GPC6: variants seen among roughly 807,000 people sequenced by gnomAD.
The protein encoded by GPC6 is glypican-6.
A neutral mutation model predicts 55.2 loss-of-function variants in GPC6; 14 were observed. That is an observed-to-expected ratio of 0.25 (90% CI 0.17 to 0.40). The LOEUF is 0.40. GPC6 is among the 10% of genes least tolerant of loss of function. The pLI is 1.00. For synonymous variants in GPC6, 278 were observed against 259.6 expected, an observed-to-expected ratio of 1.07 and a Z score of -0.68; for missense variants, 641 against 708.5, an observed-to-expected ratio of 0.90 and a Z score of 1.08.
At chr13:94,043,154 A>G (rs1420693741) in intron 4 of GPC6, among the ~76,000 whole-genome samples, 1 of 151,684 alleles carries the variant, frequency 6.6e-6, no homozygotes, top group Non-Finnish European at 1.5e-5. Flanking sequence ...TTTTTCCTGC[A>G]TCAGTCCTAA....
At chr13:93,371,708 T>C (rs1433879080) in intron 1 of GPC6, among the ~76,000 whole-genome samples, 1 of 151,962 alleles carries the variant, frequency 6.6e-6, no homozygotes, top group African/African-American at 2.4e-5. Context: ...GTAAGGCTAT[T>C]AGGGAAACTA....
chr13:94,377,607 A>G (rs1226798371), intron 6 of GPC6, among the ~76,000 whole-genome samples: 6 of 150,832 alleles, frequency 4.0e-5, no homozygotes, highest in Admixed American at 4.0e-4. Flanking sequence ...GGGACTGTAA[A>G]CTAGTTCAAC....
intron 1 of GPC6, among the ~76,000 whole-genome samples, chr13:93,358,041 A>G (rs144465843): frequency 1.3e-5 from 2 of 151,774 alleles, no homozygotes; most frequent in African/African-American, 4.8e-5. Context: ...CCATGCTTGC[A>G]ATTTTTGTGA....
chr13:93,568,302 C>T (rs972934029), intron 2 of GPC6, among the ~76,000 whole-genome samples: 4 of 152,124 alleles, frequency 2.6e-5, no homozygotes, highest in South Asian at 4.1e-4. Context: ...GGAAAGATAA[C>T]GAGTATATCT....
chr13:94,120,371 G>C (rs1296655260), intron 4 of GPC6, among the ~76,000 whole-genome samples: 1 of 152,068 alleles, frequency 6.6e-6, no homozygotes, highest in East Asian at 1.9e-4. Context: ...TCCCTCCCAA[G>C]TAGCTTAAGA....
intron 1 of GPC6, among the ~76,000 whole-genome samples, chr13:93,390,720 G>T (rs1875593989): frequency 6.6e-6 from 1 of 150,446 alleles, no homozygotes; most frequent in Non-Finnish European, 1.5e-5. Context: ...AATGATATGT[G>T]TCCAAAATAT....
intron 2 of GPC6, among the ~76,000 whole-genome samples, chr13:93,806,271 G>C (rs775578159): frequency 1.3e-5 from 2 of 152,078 alleles, no homozygotes; most frequent in African/African-American, 4.8e-5. Context: ...TTGTGCATTG[G>C]CTGGATGCAT....
chr13:94,332,106 T>C (rs1239518736), intron 6 of GPC6, among the ~76,000 whole-genome samples: 1 of 152,130 alleles, frequency 6.6e-6, no homozygotes, highest in African/African-American at 2.4e-5. Context: ...CCCGAACAGG[T>C]TCTAGAAACT....
intron 4 of GPC6, among the ~76,000 whole-genome samples, chr13:94,055,949 G>A (rs1310970326): frequency 6.6e-6 from 1 of 152,158 alleles, no homozygotes; most frequent in Non-Finnish European, 1.5e-5. Flanking sequence ...CTTGAAGGTA[G>A]CTGTCCTGAC....
chr13:93,253,460 C>T (rs1009991832), intron 1 of GPC6, among the ~76,000 whole-genome samples: 16 of 152,130 alleles, frequency 1.1e-4, no homozygotes, highest in African/African-American at 3.6e-4. Flanking sequence ...AGAATAGCAT[C>T]CACATTTTCC....
intron 4 of GPC6, among the ~76,000 whole-genome samples, chr13:94,209,198 T>G (rs887755717): frequency 6.6e-6 from 1 of 152,174 alleles, no homozygotes; most frequent in African/African-American, 2.4e-5. Context: ...AATCTCATTT[T>G]TTCTCAAGAA....
chr13:93,967,810 A>G (rs77257026), intron 3 of GPC6, among the ~76,000 whole-genome samples: 2,107 of 152,284 alleles, frequency 0.014, 56 homozygotes, highest in African/African-American at 0.049. Flanking sequence ...TTTACCAACG[A>G]GAATGCATTG....
At chr13:94,072,829 A>T (rs1884784416) in intron 4 of GPC6, among the ~76,000 whole-genome samples, 1 of 152,202 alleles carries the variant, frequency 6.6e-6, no homozygotes. Context: ...TGGGGTCCAT[A>T]GGATGTTGTC....
At chr13:93,372,345 C>T (rs1438584018) in intron 1 of GPC6, among the ~76,000 whole-genome samples, 2 of 152,074 alleles carry the variant, frequency 1.3e-5, no homozygotes, top group Non-Finnish European at 2.9e-5. Context: ...AAACCAGTCT[C>T]TCTGGGTCTG....
intron 4 of GPC6, among the ~76,000 whole-genome samples, chr13:94,260,431 G>A (rs1395578776): frequency 6.6e-6 from 1 of 151,982 alleles, no homozygotes; most frequent in Non-Finnish European, 1.5e-5. Flanking sequence ...GTGTCAGTAG[G>A]GTTAGTTTCT....
At chr13:94,354,554 C>CA (rs1230462076) in intron 6 of GPC6, among the ~76,000 whole-genome samples, 1 of 152,168 alleles carries the variant, frequency 6.6e-6, no homozygotes, top group African/African-American at 2.4e-5. Context: ...ATGTGTAGCA[C>CA]AAAAAATAGC....
At chr13:93,907,089 A>T (rs2140332126) in intron 3 of GPC6, among the ~76,000 whole-genome samples, 1 of 152,300 alleles carries the variant, frequency 6.6e-6, no homozygotes, top group South Asian at 2.1e-4. Context: ...TTCATTTTGT[A>T]AGAAAATAAA....
intron 5 of GPC6, among the ~76,000 whole-genome samples, chr13:94,296,549 C>G (rs1168122924): frequency 6.6e-6 from 1 of 152,202 alleles, no homozygotes; most frequent in Non-Finnish European, 1.5e-5. Context: ...ATGGCCTCTG[C>G]CCAGTCTCAT....
At chr13:94,326,582 C>A (rs188957364) in intron 6 of GPC6, among the ~76,000 whole-genome samples, 1 of 152,188 alleles carries the variant, frequency 6.6e-6, no homozygotes, top group Non-Finnish European at 1.5e-5. Flanking sequence ...TCTGCCCCCA[C>A]GTAAATACAG....
Sources: allele counts gnomAD v4.1 joint callset (sites outside exome capture counted in the v4.1 genomes callset), GRCh38; gene constraint gnomAD v4.1.1; transcripts MANE v1.5; gene names NCBI Gene and HGNC (gene_info 2026-07-23, HGNC 2026-07-21).